The following UBASH3B variants were observed in gnomAD, a reference collection of about 807,000 sequenced individuals.
The protein encoded by UBASH3B is ubiquitin-associated and SH3 domain-containing protein B.
Under a neutral mutation model 83.4 loss-of-function variants are expected in UBASH3B, and 37 were observed. The observed-to-expected ratio is 0.44, with a 90% confidence interval of 0.34 to 0.58. The LOEUF (loss-of-function observed/expected upper bound fraction) is 0.58, where lower values mean the gene tolerates loss of function less well. Among genes scored for constraint, UBASH3B ranks in the 20% least tolerant of loss-of-function variants. The probability of loss-of-function intolerance (pLI) is 0.01; values close to 1 mark genes in which losing one functional copy is unlikely to be tolerated. For missense variants in UBASH3B, 657 were observed against 827.2 expected (o/e 0.79, Z 2.52); for synonymous variants, 304 against 318.3 (o/e 0.96, Z 0.48).
chr11:122,670,384 T>C (rs1863578798), intron 1 of UBASH3B, among the ~76,000 whole-genome samples: 1 of 152,158 alleles, frequency 6.6e-6, no homozygotes, highest in Non-Finnish European at 1.5e-5. Context: ...AAAGGGCTCC[T>C]GGGGCAGAAT....
At chr11:122,682,389 G>C (rs781011285) in intron 1 of UBASH3B, among the ~76,000 whole-genome samples, 1 of 152,172 alleles carries the variant, frequency 6.6e-6, no homozygotes, top group Non-Finnish European at 1.5e-5. Flanking sequence ...TATAGATGGG[G>C]ACGCTGAGGC....
At chr11:122,670,241 G>C (rs553938500) in intron 1 of UBASH3B, among the ~76,000 whole-genome samples, 3 of 152,158 alleles carry the variant, frequency 2.0e-5, no homozygotes, top group African/African-American at 7.2e-5. Flanking sequence ...TGAGAAAATG[G>C]GGACAGGATT....
intron 1 of UBASH3B, among the ~76,000 whole-genome samples, chr11:122,689,504 A>T (rs950521969): frequency 3.3e-5 from 5 of 152,142 alleles, no homozygotes; most frequent in African/African-American, 7.2e-5. Flanking sequence ...AAACTCTCAA[A>T]CTGGGTTTTT....
intron 1 of UBASH3B, among the ~76,000 whole-genome samples, chr11:122,711,725 C>T (rs994624889): frequency 6.6e-6 from 1 of 152,174 alleles, no homozygotes; most frequent in African/African-American, 2.4e-5. Context: ...TTGCAAATAA[C>T]CTGCTGTCCT....
chr11:122,676,327 G>A (rs143087066), intron 1 of UBASH3B, among the ~76,000 whole-genome samples: 2,331 of 152,184 alleles, frequency 0.015, 49 homozygotes, highest in African/African-American at 0.053. Flanking sequence ...TTTACCTGAC[G>A]TCAGGAGTTC....
chr11:122,808,208 TGGCTAGTA>T (rs1228704324), intron 13 of UBASH3B, 32 bp downstream of exon 13: 1 of 1,554,982 alleles, frequency 6.4e-7, no homozygotes, highest in Middle Eastern at 1.7e-4. Context: ...GGGTCCGTGA[TGGCTAGTA>T]GTTTGAAGTC....
chr11:122,773,364 GC>G (rs1171386754), intron 1 of UBASH3B, among the ~76,000 whole-genome samples: 2 of 152,214 alleles, frequency 1.3e-5, no homozygotes, highest in Non-Finnish European at 2.9e-5. Context: ...TGGGTGAAGG[GC>G]CAGCAAGGTT....
rs115328709 is a variant in UBASH3B at position 122,808,833 on chromosome 11, G to A, written c.1812+657G>A. 5.7e-3 allele frequency among the ~76,000 whole-genome samples: 874 copies of A among 152,172 alleles called. 6 individuals carry two copies. The highest frequency in any genetic ancestry group is 0.02 in the African/African-American group (830 of 41,508). On this transcript the variant is annotated intron_variant, in intron 13 of 13. Coordinates refer to ENST00000284273, the MANE Select transcript of UBASH3B (RefSeq NM_032873.5). ...TTTATTTATGCATCTGTCCTCATTT[G>A]TAAGTGCTGGAAGACAGAGAATTTT...
chr11:122,664,596 C>CCTCTGCCCG (rs1263261239), intron 1 of UBASH3B, among the ~76,000 whole-genome samples: 8 of 151,586 alleles, frequency 5.3e-5, no homozygotes, highest in African/African-American at 1.9e-4. Context: ...TCCTCTGGAC[C>CCTCTGCCCG]CTCTGCCCGG....
intron 11 of UBASH3B, among the ~76,000 whole-genome samples, chr11:122,805,121 C>T (rs757729663): frequency 4.6e-5 from 7 of 152,228 alleles, no homozygotes; most frequent in Non-Finnish European, 8.8e-5. Context: ...CTTATAGTTA[C>T]ATGTGACTGG....
At chr11:122,802,134 G>C (rs1861267708) in intron 11 of UBASH3B, among the ~76,000 whole-genome samples, 1 of 151,978 alleles carries the variant, frequency 6.6e-6, no homozygotes, top group Non-Finnish European at 1.5e-5. Context: ...GTCCAACATG[G>C]TGAAACCCCG....
At position 122,779,743 on chromosome 11, in the gene UBASH3B, G is replaced by A. The variant is rs113555519; in HGVS notation, c.601+48G>A. The A allele has an allele frequency of 1.2e-5, 20 of 1,608,060 alleles. 1 individual carries two copies. In the African/African-American group the frequency reaches 1.9e-4, roughly 15 times the overall value. On this transcript the variant is annotated intron_variant, in intron 4 of 13. Transcript: ENST00000284273. ...AGCCCTGGGCCCTGTCAATCAAAGA[G>A]TTGGAAAGGAAAAAGGATAGGAAAT...
intron 1 of UBASH3B, among the ~76,000 whole-genome samples, chr11:122,690,737 T>C (rs1863885329): frequency 6.6e-6 from 1 of 152,198 alleles, no homozygotes; most frequent in Non-Finnish European, 1.5e-5. Context: ...TGTTGCCTTA[T>C]TTCACATCGG....
At chr11:122,773,650 T>C (rs542023891) in intron 1 of UBASH3B, among the ~76,000 whole-genome samples, 4 of 152,320 alleles carry the variant, frequency 2.6e-5, no homozygotes, top group Non-Finnish European at 1.5e-5. Context: ...AGATCTCGGC[T>C]TTTCAGAACA....
intron 1 of UBASH3B, among the ~76,000 whole-genome samples, chr11:122,705,574 G>A (rs2135932318): frequency 6.6e-6 from 1 of 152,154 alleles, no homozygotes; most frequent in African/African-American, 2.4e-5. Flanking sequence ...CGCTATGACA[G>A]TGTCTCACAG....
chr11:122,702,806 G>A (rs1459850013), intron 1 of UBASH3B, among the ~76,000 whole-genome samples: 22 of 152,068 alleles, frequency 1.4e-4, no homozygotes, highest in Admixed American at 1.2e-3. Context: ...GATTACAGGC[G>A]TGAGCCACCG....
chr11:122,741,573 G>C (rs1021729513), intron 1 of UBASH3B, among the ~76,000 whole-genome samples: 28 of 152,288 alleles, frequency 1.8e-4, no homozygotes, highest in African/African-American at 6.0e-4. Flanking sequence ...AATACTCCAA[G>C]CCTGAAATCC....
At chr11:122,808,270 T>G in intron 13 of UBASH3B, 94 bp downstream of exon 13, 1 of 991,854 alleles carries the variant, frequency 1.0e-6, no homozygotes, top group Non-Finnish European at 1.6e-6. Context: ...AAGCATGTGT[T>G]TATGCTGAGC....
intron 4 of UBASH3B, chr11:122,782,743 G>T (rs1305004892): frequency 1.5e-5 from 4 of 270,360 alleles, no homozygotes; most frequent in Non-Finnish European, 2.8e-5. Context: ...TCTTCTGAAA[G>T]GTGGGGCTGG....
Sources: gnomAD v4.1 joint callset for allele counts (sites outside exome capture counted in the v4.1 genomes callset) on GRCh38, gnomAD v4.1.1 for gene constraint, MANE v1.5 for transcripts, NCBI Gene and HGNC (gene_info 2026-07-23, HGNC 2026-07-21) for gene names.